CACNA1S: variants seen among roughly 807,000 people sequenced by gnomAD.
CACNA1S encodes calcium voltage-gated channel subunit alpha1 S.
Under a neutral mutation model 207.4 loss-of-function variants are expected in CACNA1S, and 126 were observed. That is an observed-to-expected ratio of 0.61 (90% confidence interval 0.53 to 0.70). The LOEUF is 0.70. Among genes scored for constraint, CACNA1S ranks in the 30% least tolerant of loss-of-function variants. The pLI is 0.00. For missense variants in CACNA1S, 2,349 were observed against 2,422.8 expected, an observed-to-expected ratio of 0.97 and a Z score of 0.64; for synonymous variants, 960 against 932.7, an observed-to-expected ratio of 1.03 and a Z score of -0.53.
At chr1:201,089,640 G>T (rs1433745105) in intron 5 of CACNA1S, among the ~76,000 whole-genome samples, 177 bp from the exon 6 acceptor site, 1 of 152,242 alleles carries the variant, frequency 6.6e-6, no homozygotes, top group Non-Finnish European at 1.5e-5. Flanking sequence ...GAATGCCTTG[G>T]GCTGAGGATG....
At chr1:201,086,843 G>T (rs963794969) in intron 7 of CACNA1S, among the ~76,000 whole-genome samples, 2 of 152,212 alleles carry the variant, frequency 1.3e-5, no homozygotes, top group Non-Finnish European at 2.9e-5. Context: ...CAACTGTAAT[G>T]TGACATGATT....
intron 24 of CACNA1S, among the ~76,000 whole-genome samples, chr1:201,061,738 A>T (rs1661057977): frequency 6.6e-6 from 1 of 152,178 alleles, no homozygotes; most frequent in African/African-American, 2.4e-5. Context: ...CCTATGGGGG[A>T]CTGCGTGCAT....
At position 201,065,761 on chromosome 1, in the gene CACNA1S, T is replaced by C. The variant is rs929104416; in HGVS notation, c.2853+77A>G. 5 of 931,566 alleles carry C rather than the reference T, an allele frequency of 5.4e-6. No individual in the cohort carries two copies. In the Admixed American group the frequency reaches 8.9e-5, roughly 17 times the overall value. 57.7% of individuals were successfully genotyped at this position (931,566 alleles called of 1,614,324 possible). On this transcript the variant is annotated intron_variant, in intron 22 of 43. Coordinates refer to ENST00000362061, the MANE Select transcript of CACNA1S (RefSeq NM_000069.3). ...TTCGAAGACATCTGTTTTCACAATGTGGGGCTCCTTGTGCTTGAGAGTGGG... is the reference window on the plus strand; with the variant it reads ...TTCGAAGACATCTGTTTTCACAATGCGGGGCTCCTTGTGCTTGAGAGTGGG...
intron 38 of CACNA1S, among the ~76,000 whole-genome samples, chr1:201,045,806 GA>G (rs1660451266): frequency 6.8e-6 from 1 of 146,616 alleles, no homozygotes; most frequent in African/African-American, 2.5e-5. Flanking sequence ...TGGTTACATA[GA>G]AGAATTATGC....
intron 28 of CACNA1S, among the ~76,000 whole-genome samples, chr1:201,055,190 C>A (rs1660796834): frequency 1.3e-5 from 2 of 152,182 alleles, no homozygotes; most frequent in Non-Finnish European, 2.9e-5. Flanking sequence ...ATGAGAAGCC[C>A]TTGTTCTGCA....
Position 201,085,166 on chromosome 1 carries a change from C to T in CACNA1S, c.1151-135G>A, listed in dbSNP as rs1475350593. The T allele has an allele frequency of 9.1e-6, 7 of 768,604 alleles. No individual in the cohort carries two copies. The Admixed American group carries it at 1.2e-4, about 13-fold the overall frequency. The allele number at this position is 768,604 out of a possible 1,614,324, so 47.6% of individuals were successfully genotyped here. A position where few individuals can be genotyped will look rare whatever the true frequency, so the allele number is the denominator to read the frequency against. On this transcript the variant is annotated intron_variant, in intron 8 of 43. Transcript: ENST00000362061. ...ATGGGTCCTAGGTAGGCCTGGATTG[C>T]TTCGTGCTTTCCAGAGACTGAGAGT...
chr1:201,067,300 C>G (rs1307700251), intron 19 of CACNA1S, among the ~76,000 whole-genome samples: 1 of 152,190 alleles, frequency 6.6e-6, no homozygotes, highest in Non-Finnish European at 1.5e-5. Context: ...GCCCTACTGT[C>G]TCCTGTGGGA....
At chr1:201,085,089 C>A in intron 8 of CACNA1S, 58 bp from the exon 9 acceptor site, 2 of 1,241,872 alleles carry the variant, frequency 1.6e-6, no homozygotes, top group Non-Finnish European at 2.3e-6. Flanking sequence ...GCTGGACACA[C>A]CTGGACTGGG....
Position 201,040,271 on chromosome 1 carries a change from G to T in CACNA1S, c.5330C>A (p.Ser1777Tyr). The T allele has an allele frequency of 6.2e-7, 1 of 1,613,836 alleles. No individual in the cohort carries two copies. Among genetic ancestry groups the T allele is most frequent in the Non-Finnish European group, 8.5e-7 (1 of 1,179,964 alleles). ...GGCTGTAGCTGGTGCTGAGCACCTGGAAGTATTCTCCCTGGTGCTCCTGCT... is the reference window on the plus strand; with the variant it reads ...GGCTGTAGCTGGTGCTGAGCACCTGTAAGTATTCTCCCTGGTGCTCCTGCT... ...PHSRSTRENT[S>Y]RCSAPATALL... is the part of the protein sequence containing the mutation. The change falls in exon 43 of 44, where the codon TCC (serine) becomes TAC (tyrosine). Residue 1777 changes from serine (S) to tyrosine (Y), a missense_variant. Coordinates refer to ENST00000362061, the MANE Select transcript of CACNA1S (RefSeq NM_000069.3).
intron 7 of CACNA1S, 144 bp from the exon 8 acceptor site, chr1:201,085,725 G>A: frequency 1.2e-6 from 1 of 866,966 alleles, no homozygotes; most frequent in Non-Finnish European, 1.8e-6. Context: ...GGGTCCAGGT[G>A]CCCCTCAAGG....
chr1:201,043,159 G>T, intron 40 of CACNA1S, 122 bp downstream of exon 40: 2 of 1,307,242 alleles, frequency 1.5e-6, no homozygotes, highest in Non-Finnish European at 1.1e-6. Flanking sequence ...ATGGATTGGG[G>T]CACAAAGGCA....
In CACNA1S at chr1:201,091,794, TGCAG is replaced by T; in HGVS notation, c.542-6_542-3del. The T allele has an allele frequency of 2.5e-6, 4 of 1,613,148 alleles. No homozygotes were observed. The highest frequency in any genetic ancestry group is 3.4e-6 in the Non-Finnish European group (4 of 1,179,470). Reference sequence around the variant, plus strand: ...TGGAGTTCAGGACCACCTGCAGGCCTGCAGAGGCAGGCAGGGAAGGGAAAAGAGG... The same window carrying T: ...TGGAGTTCAGGACCACCTGCAGGCCTAGGCAGGCAGGGAAGGGAAAAGAGG... On this transcript the variant is annotated splice_polypyrimidine_tract_variant and splice_region_variant and intron_variant, in intron 4 of 43. Coordinates refer to ENST00000362061, the MANE Select transcript of CACNA1S (RefSeq NM_000069.3).
chr1:201,040,659 G>C lies in CACNA1S; in HGVS notation c.5189C>G (p.Ala1730Gly), dbSNP rs1660135491. 6.2e-7 allele frequency: 1 copy of C among 1,614,118 alleles called. No homozygotes were observed. Among genetic ancestry groups the C allele is most frequent in the Admixed American group, 1.7e-5 (1 of 60,024 alleles). ...EMLKGLLTQRAMPRGQAPPAP... is the reference protein window; with the variant it reads ...EMLKGLLTQRGMPRGQAPPAP... ...AGGAGGTGCCTGGCCTCTGGGCATT[G>C]CCCTCTGGGTCAGCAGTCCCTTCAG... The change falls in exon 42 of 44, where the codon GCA (alanine) becomes GGA (glycine). Residue 1730 changes from alanine (A) to glycine (G), a missense_variant. Physicochemically the swap from Ala to Gly is moderately conservative, Grantham distance 60. Coordinates refer to ENST00000362061, the MANE Select transcript of CACNA1S (RefSeq NM_000069.3).
intron 2 of CACNA1S, among the ~76,000 whole-genome samples, chr1:201,096,067 G>C (rs780798039): frequency 1.3e-5 from 2 of 152,234 alleles, no homozygotes; most frequent in Non-Finnish European, 1.5e-5. Flanking sequence ...TAGTTTCAGT[G>C]CTCACAGGCT....
At position 201,091,593 on chromosome 1, in the gene CACNA1S, G is replaced by T. The variant is rs777146967; in HGVS notation, c.694+47C>A. On this transcript the variant is annotated intron_variant, in intron 5 of 43. Transcript: ENST00000362061. ...CAGGTAGGGTGGCTCCCCCTTCTGA[G>T]CCATCCTAGGCCCTGCCCCACAGCC... The T allele has an allele frequency of 6.8e-6, 11 of 1,610,792 alleles. No individual in the cohort carries two copies. In the African/African-American group the frequency reaches 1.3e-4, roughly 20 times the overall value.
chr1:201,091,711 A>T lies in CACNA1S; in HGVS notation c.623T>A (p.Ile208Asn), dbSNP rs1438958807. ...CTCCAGCCCGATGATGGCATAGATG[A>T]TGACCATAAAGAGGACCAGCAGGGC... Reference protein sequence around the residue: ...HIALLVLFMVIIYAIIGLELF... With the variant: ...HIALLVLFMVNIYAIIGLELF... Residue 208 changes from isoleucine (I) to asparagine (N), a missense_variant, in exon 5 of 44, where the codon ATC becomes AAC. Physicochemically the swap from Ile to Asn is moderately radical, Grantham distance 149. Transcript: ENST00000362061. 6.2e-7 allele frequency: 1 copy of T among 1,614,130 alleles called. No individual in the cohort carries two copies. The highest frequency in any genetic ancestry group is 8.5e-7 in the Non-Finnish European group (1 of 1,179,944).
intron 19 of CACNA1S, among the ~76,000 whole-genome samples, chr1:201,068,518 C>T (rs1661332008): frequency 6.7e-6 from 1 of 148,590 alleles, no homozygotes; most frequent in South Asian, 2.3e-4. Context: ...GCTGGGATTA[C>T]AGGCGTGAGC....
intron 12 of CACNA1S, among the ~76,000 whole-genome samples, chr1:201,076,351 G>A (rs1277075998): frequency 6.6e-6 from 1 of 152,240 alleles, no homozygotes; most frequent in Non-Finnish European, 1.5e-5. Context: ...ACAAAAGGGA[G>A]GTGTCACTCA....
chr1:201,052,058 G>T (rs1032230563), intron 32 of CACNA1S, among the ~76,000 whole-genome samples: 2 of 152,188 alleles, frequency 1.3e-5, no homozygotes, highest in South Asian at 2.1e-4. Context: ...TCTCCCACCT[G>T]GCTCCTGCAC....
Sources: allele counts gnomAD v4.1 joint callset (sites outside exome capture counted in the v4.1 genomes callset), GRCh38; gene constraint gnomAD v4.1.1; transcripts MANE v1.5; gene names NCBI Gene and HGNC (gene_info 2026-07-23, HGNC 2026-07-21).